HCN1: variants seen among roughly 807,000 people sequenced by gnomAD.
HCN1 encodes the protein potassium/sodium hyperpolarization-activated cyclic nucleotide-gated channel 1.
Under a neutral mutation model 78.9 loss-of-function variants are expected in HCN1, and 13 were observed. That is an observed-to-expected ratio of 0.16 (90% CI 0.11 to 0.26). The LOEUF is 0.26. HCN1 is among the 10% of genes least tolerant of loss of function. HCN1 has a pLI of 1.00. For missense variants in HCN1, 810 were observed against 1,154.3 expected (o/e 0.70, Z 4.32); for synonymous variants, 552 against 455.5 (o/e 1.21, Z -2.70).
intron 6 of HCN1, among the ~76,000 whole-genome samples, chr5:45,300,666 A>G (rs955298360): frequency 1.3e-5 from 2 of 152,130 alleles, no homozygotes; most frequent in Non-Finnish European, 1.5e-5. Flanking sequence ...AGAGTCAAAA[A>G]TTATATGCAG....
chr5:45,340,568 C>T (rs1746556280), intron 5 of HCN1, among the ~76,000 whole-genome samples: 1 of 152,120 alleles, frequency 6.6e-6, no homozygotes, highest in South Asian at 2.1e-4. Flanking sequence ...CCCTGAGAAT[C>T]CAATCTGGTT....
chr5:45,361,375 A>C (rs1747105928), intron 4 of HCN1, among the ~76,000 whole-genome samples: 1 of 152,056 alleles, frequency 6.6e-6, no homozygotes, highest in Non-Finnish European at 1.5e-5. Context: ...GGATTTCACC[A>C]TGTTGGTCAG....
chr5:45,488,769 C>T (rs910603181), intron 2 of HCN1, among the ~76,000 whole-genome samples: 9 of 152,098 alleles, frequency 5.9e-5, no homozygotes, highest in African/African-American at 2.2e-4. Flanking sequence ...AATTTCACAG[C>T]CACTGCTGTT....
At chr5:45,573,439 AT>A (rs1743873269) in intron 2 of HCN1, among the ~76,000 whole-genome samples, 1 of 151,548 alleles carries the variant, frequency 6.6e-6, no homozygotes, top group Non-Finnish European at 1.5e-5. Flanking sequence ...TCATTTATTT[AT>A]TTTCCTGAGG....
chr5:45,546,019 T>C (rs1457278790), intron 2 of HCN1, among the ~76,000 whole-genome samples: 1 of 152,048 alleles, frequency 6.6e-6, no homozygotes, highest in Admixed American at 6.6e-5. Context: ...CCAATTTAAC[T>C]CATTACAATG....
chr5:45,667,171 G>T (rs1186353066), intron 1 of HCN1, among the ~76,000 whole-genome samples: 1 of 151,900 alleles, frequency 6.6e-6, no homozygotes, highest in Non-Finnish European at 1.5e-5. Flanking sequence ...TAGGGACACA[G>T]TAAGAATGAT....
intron 4 of HCN1, among the ~76,000 whole-genome samples, chr5:45,367,222 A>G (rs1747255330): frequency 1.3e-5 from 2 of 151,814 alleles, no homozygotes; most frequent in Admixed American, 6.6e-5. Flanking sequence ...GTGAATATCA[A>G]TGATTGATTT....
intron 2 of HCN1, among the ~76,000 whole-genome samples, chr5:45,630,161 T>G (rs1427698231): frequency 6.6e-6 from 1 of 152,094 alleles, no homozygotes; most frequent in African/African-American, 2.4e-5. Context: ...GTTCAAATTA[T>G]AGCACACGCC....
intron 5 of HCN1, among the ~76,000 whole-genome samples, chr5:45,350,874 G>C (rs1466378111): frequency 6.6e-6 from 1 of 152,176 alleles, no homozygotes; most frequent in African/African-American, 2.4e-5. Context: ...TGAAGTAAAA[G>C]AGGATACAAA....
intron 5 of HCN1, among the ~76,000 whole-genome samples, chr5:45,344,599 G>C (rs2111969600): frequency 6.6e-6 from 1 of 152,294 alleles, no homozygotes; most frequent in Middle Eastern, 3.4e-3. Flanking sequence ...TGGCCAAAAT[G>C]AAGAGGTAAA....
chr5:45,364,253 A>G (rs1343467122), intron 4 of HCN1, among the ~76,000 whole-genome samples: 5 of 151,928 alleles, frequency 3.3e-5, no homozygotes, highest in Non-Finnish European at 7.4e-5. Flanking sequence ...AATCCTTCCC[A>G]CTCACATGAC....
intron 5 of HCN1, among the ~76,000 whole-genome samples, chr5:45,327,845 G>A (rs183137243): frequency 6.6e-6 from 1 of 151,552 alleles, no homozygotes; most frequent in Non-Finnish European, 1.5e-5. Context: ...ATCAAGGAGA[G>A]AAGCCTCAGA....
intron 2 of HCN1, among the ~76,000 whole-genome samples, chr5:45,557,289 A>T (rs572162184): frequency 6.6e-6 from 1 of 152,096 alleles, no homozygotes; most frequent in South Asian, 2.1e-4. Context: ...AAAATTCTCA[A>T]CGGTTCTCGT....
chr5:45,318,005 G>A (rs1746034064), intron 5 of HCN1, among the ~76,000 whole-genome samples: 2 of 152,134 alleles, frequency 1.3e-5, no homozygotes, highest in Admixed American at 1.3e-4. Flanking sequence ...AAGACAGTGT[G>A]GTGATTCCTC....
At chr5:45,279,407 T>C (rs1378957938) in intron 6 of HCN1, among the ~76,000 whole-genome samples, 2 of 152,098 alleles carry the variant, frequency 1.3e-5, no homozygotes, top group Middle Eastern at 3.4e-3. Flanking sequence ...AACCAGAAAC[T>C]CAATAAACCA....
At chr5:45,673,470 T>A (rs1157217334) in intron 1 of HCN1, among the ~76,000 whole-genome samples, 1 of 151,588 alleles carries the variant, frequency 6.6e-6, no homozygotes, top group African/African-American at 2.4e-5. Context: ...GATTCAATAC[T>A]TTTTATATCA....
At chr5:45,545,133 T>C (rs1743185079) in intron 2 of HCN1, among the ~76,000 whole-genome samples, 1 of 152,184 alleles carries the variant, frequency 6.6e-6, no homozygotes, top group Admixed American at 6.5e-5. Flanking sequence ...TTTTTAATGA[T>C]CGCCATTCTA....
chr5:45,508,140 T>C (rs925927076), intron 2 of HCN1, among the ~76,000 whole-genome samples: 13 of 152,256 alleles, frequency 8.5e-5, no homozygotes, highest in African/African-American at 3.1e-4. Context: ...TGAAAGCTTT[T>C]GGCAAATAGA....
intron 5 of HCN1, among the ~76,000 whole-genome samples, chr5:45,313,654 G>T (rs779887685): frequency 6.6e-6 from 1 of 152,300 alleles, no homozygotes; most frequent in East Asian, 1.9e-4. Flanking sequence ...AGAACAACCA[G>T]TGTAGAGAAG....
Sources: allele counts gnomAD v4.1 joint callset (sites outside exome capture counted in the v4.1 genomes callset), GRCh38; gene constraint gnomAD v4.1.1; transcripts MANE v1.5; gene names NCBI Gene and HGNC (gene_info 2026-07-23, HGNC 2026-07-21).